The following CAMKMT variants were observed in gnomAD, a reference collection of about 807,000 sequenced individuals.
CAMKMT encodes CaM KMT.
In CAMKMT, 53 loss-of-function variants were observed where a neutral mutation model predicts 48.0. The observed-to-expected ratio is 1.10, with a 90% CI of 0.89 to 1.39. The LOEUF is 1.39. CAMKMT is among the 40% of genes most tolerant of loss of function. The pLI is 0.00. For missense variants in CAMKMT, 428 were observed against 402.7 expected (o/e 1.06, Z -0.54); for synonymous variants, 165 against 152.3 (o/e 1.08, Z -0.61).
chr2:44,376,898 G>A (rs1158690054), intron 2 of CAMKMT, among the ~76,000 whole-genome samples: 2 of 152,104 alleles, frequency 1.3e-5, no homozygotes, highest in Non-Finnish European at 2.9e-5. Context: ...GTCTACCTGT[G>A]GATGGTGACT....
In CAMKMT at chr2:44,431,144, A is replaced by G. The variant is rs919846912; in HGVS notation, c.376+40839A>G. Among the ~76,000 whole-genome samples the G allele has an allele frequency of 2.6e-5, 4 of 152,166 alleles. No homozygotes were observed. The East Asian group carries it at 7.7e-4, about 29-fold the overall frequency. ...ATTAACCTATTCTTTTTAATGAGAG[A>G]TATTTTCCCTCTGAAGTAAGTATAT... On this transcript the variant is annotated intron_variant, in intron 3 of 10. Transcript: ENST00000378494.
intron 3 of CAMKMT, among the ~76,000 whole-genome samples, chr2:44,648,134 A>T (rs1378434879): frequency 6.6e-6 from 1 of 152,094 alleles, no homozygotes; most frequent in Non-Finnish European, 1.5e-5. Context: ...GTCATGAAAA[A>T]AAAGCTTGTT....
chr2:44,670,506 G>A (rs1205226558), intron 3 of CAMKMT, among the ~76,000 whole-genome samples: 1 of 152,070 alleles, frequency 6.6e-6, no homozygotes, highest in Non-Finnish European at 1.5e-5. Context: ...ATAAAAATTA[G>A]TTGGGCATGC....
At chr2:44,667,345 C>T (rs1273568612) in intron 3 of CAMKMT, among the ~76,000 whole-genome samples, 2 of 152,164 alleles carry the variant, frequency 1.3e-5, no homozygotes, top group African/African-American at 2.4e-5. Flanking sequence ...CCCTGAGGAC[C>T]CTGCTTCCCT....
intron 3 of CAMKMT, among the ~76,000 whole-genome samples, chr2:44,595,106 C>T (rs554148811): frequency 1.3e-3 from 194 of 152,246 alleles, no homozygotes; most frequent in African/African-American, 4.5e-3. Flanking sequence ...AATGAGATAC[C>T]ATCTCATGCC....
intron 3 of CAMKMT, among the ~76,000 whole-genome samples, chr2:44,607,257 AT>A (rs1183972223): frequency 6.6e-6 from 1 of 152,126 alleles, no homozygotes; most frequent in African/African-American, 2.4e-5. Context: ...TCTTAAGAAC[AT>A]TTTCCTCATG....
At chr2:44,527,893 C>T (rs1666248249) in intron 3 of CAMKMT, among the ~76,000 whole-genome samples, 1 of 149,394 alleles carries the variant, frequency 6.7e-6, no homozygotes, top group South Asian at 2.1e-4. Context: ...TTAGGGATTA[C>T]TCTTCCTCTT....
chr2:44,581,929 G>T (rs958937963), intron 3 of CAMKMT, among the ~76,000 whole-genome samples: 1 of 152,340 alleles, frequency 6.6e-6, no homozygotes, highest in Non-Finnish European at 1.5e-5. Flanking sequence ...AACCATGGAG[G>T]CAGAGGTTGC....
chr2:44,416,295 A>G (rs115567713), intron 3 of CAMKMT, among the ~76,000 whole-genome samples: 2,528 of 152,324 alleles, frequency 0.017, 59 homozygotes, highest in African/African-American at 0.055. Context: ...TTGTTAAAAT[A>G]TCAGCTTTAA....
intron 3 of CAMKMT, among the ~76,000 whole-genome samples, chr2:44,652,317 A>G (rs1215042268): frequency 6.6e-6 from 1 of 152,164 alleles, no homozygotes. Flanking sequence ...TCTCAGAGTC[A>G]GAGTTTATGA....
intron 3 of CAMKMT, among the ~76,000 whole-genome samples, chr2:44,630,398 G>C (rs1672744586): frequency 6.6e-6 from 1 of 151,626 alleles, no homozygotes; most frequent in African/African-American, 2.4e-5. Context: ...TGACAAATGG[G>C]ATCTCATTAA....
At chr2:44,492,799 C>T (rs1443302596) in intron 3 of CAMKMT, among the ~76,000 whole-genome samples, 1 of 151,850 alleles carries the variant, frequency 6.6e-6, no homozygotes, top group Non-Finnish European at 1.5e-5. Context: ...GGCATTTGTT[C>T]CTACTTTAAG....
chr2:44,372,778 A>C lies in CAMKMT; in HGVS notation c.201A>C (p.Ser67=). 1 of 1,613,956 alleles carries C rather than the reference A, an allele frequency of 6.2e-7. No individual in the cohort carries two copies. The highest frequency in any genetic ancestry group is 8.5e-7 in the Non-Finnish European group (1 of 1,179,942). Residue 67 remains serine (S), a synonymous_variant, in exon 2 of 11, where the codon TCA becomes TCC. Coordinates refer to ENST00000378494, the MANE Select transcript of CAMKMT (RefSeq NM_024766.5). The stretch of plus-strand genomic sequence containing the variant: ...ATGTATCTGTAAGAAGATTTGAATC[A>C]TTTAATCTGTTTTCAGTAACAGAAG... ...LRHVSVRRFE[S]FNLFSVTEGK... is the part of the protein sequence containing the mutation.
intron 3 of CAMKMT, among the ~76,000 whole-genome samples, chr2:44,696,015 T>A (rs753543788): frequency 2.0e-5 from 3 of 152,170 alleles, no homozygotes; most frequent in Admixed American, 6.5e-5. Context: ...TGATCTCGGC[T>A]CACTGCAACC....
chr2:44,406,294 A>G (rs1227023319), intron 3 of CAMKMT, among the ~76,000 whole-genome samples: 1 of 151,802 alleles, frequency 6.6e-6, no homozygotes, highest in Non-Finnish European at 1.5e-5. Flanking sequence ...TTTTTTAATT[A>G]CCATTTTTTA....
At chr2:44,540,483 G>C (rs909714098) in intron 3 of CAMKMT, among the ~76,000 whole-genome samples, 3 of 152,176 alleles carry the variant, frequency 2.0e-5, no homozygotes, top group African/African-American at 4.8e-5. Context: ...CAGGCCAGTG[G>C]CTCATGCCTG....
intron 3 of CAMKMT, among the ~76,000 whole-genome samples, chr2:44,390,586 A>C (rs994507038): frequency 6.6e-6 from 1 of 151,896 alleles, no homozygotes; most frequent in Admixed American, 6.6e-5. Flanking sequence ...GTCAGAAAGA[A>C]CACTGGACAC....
In CAMKMT at chr2:44,564,382, C is replaced by G. The variant is rs1422898720; in HGVS notation, c.377-139901C>G. The stretch of plus-strand genomic sequence containing the variant: ...TAGAAACGGGGTTTCACCACCTTGG[C>G]CAGGTTAGTCTCAAACTCCTGACCT... On this transcript the variant is annotated intron_variant, in intron 3 of 10. Coordinates refer to ENST00000378494, the MANE Select transcript of CAMKMT (RefSeq NM_024766.5). Among the ~76,000 whole-genome samples the G allele has an allele frequency of 3.9e-5, 6 of 152,060 alleles. 1 individual carries two copies. Among genetic ancestry groups the G allele is most frequent in the Admixed American group, 3.3e-4 (5 of 15,252 alleles).
intron 3 of CAMKMT, among the ~76,000 whole-genome samples, chr2:44,527,671 G>A (rs1485526199): frequency 2.0e-5 from 3 of 151,308 alleles, no homozygotes; most frequent in African/African-American, 4.9e-5. Flanking sequence ...GTGTTTTACA[G>A]TTCCTTTTTT....
Sources: gnomAD v4.1 joint callset for allele counts (sites outside exome capture counted in the v4.1 genomes callset) on GRCh38, gnomAD v4.1.1 for gene constraint, MANE v1.5 for transcripts, NCBI Gene and HGNC (gene_info 2026-07-23, HGNC 2026-07-21) for gene names.